The following TTC28 variants were observed in gnomAD, a reference collection of about 807,000 sequenced individuals.
TTC28 encodes tetratricopeptide repeat protein 28.
TTC28 carries 61 observed loss-of-function variants against 198.0 expected under a neutral mutation model. The ratio of observed to expected loss-of-function variants is 0.31; its 90% CI spans 0.25 to 0.38. The LOEUF is 0.38. Among genes scored for constraint, TTC28 ranks in the 10% least tolerant of loss-of-function variants. The pLI is 1.00. For missense variants in TTC28, 2,678 were observed against 3,164.0 expected (o/e 0.85, Z 3.69); for synonymous variants, 1,171 against 1,297.8 (o/e 0.90, Z 2.10).
chr22:28,059,345 C>T (rs1472623990), intron 12 of TTC28, among the ~76,000 whole-genome samples: 1 of 151,806 alleles, frequency 6.6e-6, no homozygotes, highest in African/African-American at 2.4e-5. Flanking sequence ...TCTTCTTTGA[C>T]CTATGGATAT....
At chr22:28,224,695 G>A (rs1194415722) in intron 5 of TTC28, among the ~76,000 whole-genome samples, 1 of 152,146 alleles carries the variant, frequency 6.6e-6, no homozygotes, top group Non-Finnish European at 1.5e-5. Context: ...GGGGCAGGGA[G>A]ATGGCTGATG....
chr22:28,404,714 TTCACCATTA>T (rs529601917), intron 2 of TTC28, among the ~76,000 whole-genome samples: 2 of 152,246 alleles, frequency 1.3e-5, no homozygotes, highest in Non-Finnish European at 2.9e-5. Context: ...TAACAATGGC[TTCACCATTA>T]GGTGTCAAAG....
At chr22:28,251,132 A>G (rs916048247) in intron 5 of TTC28, among the ~76,000 whole-genome samples, 1 of 152,164 alleles carries the variant, frequency 6.6e-6, no homozygotes, top group Admixed American at 6.5e-5. Flanking sequence ...TTATGCCTCT[A>G]ATTAATTAAA....
At chr22:28,067,656 A>G (rs1364319098) in intron 12 of TTC28, among the ~76,000 whole-genome samples, 1 of 152,198 alleles carries the variant, frequency 6.6e-6, no homozygotes, top group African/African-American at 2.4e-5. Flanking sequence ...AGCCACTGGC[A>G]CAACAGAGAT....
At chr22:28,437,090 AT>A (rs695341) in intron 2 of TTC28, among the ~76,000 whole-genome samples, 4 of 150,020 alleles carry the variant, frequency 2.7e-5, no homozygotes, top group African/African-American at 7.3e-5. Flanking sequence ...TATTCTTTTA[AT>A]TTTTTTTTTG....
intron 5 of TTC28, among the ~76,000 whole-genome samples, chr22:28,252,446 C>T (rs1390359723): frequency 6.6e-6 from 1 of 152,166 alleles, no homozygotes; most frequent in Non-Finnish European, 1.5e-5. Context: ...TAAGCTGTAA[C>T]TACCATGATT....
At chr22:28,089,160 C>A (rs889718950) in intron 12 of TTC28, among the ~76,000 whole-genome samples, 4 of 152,164 alleles carry the variant, frequency 2.6e-5, no homozygotes, top group Non-Finnish European at 4.4e-5. Flanking sequence ...CATCCCATTA[C>A]TGAGTATATA....
intron 5 of TTC28, among the ~76,000 whole-genome samples, chr22:28,192,185 G>C (rs529216540): frequency 1.3e-5 from 2 of 152,168 alleles, no homozygotes; most frequent in African/African-American, 2.4e-5. Context: ...ACAGGGTCTG[G>C]AGTGGACCTC....
chr22:28,463,042 C>T (rs1016689287), intron 2 of TTC28, among the ~76,000 whole-genome samples: 1 of 152,202 alleles, frequency 6.6e-6, no homozygotes, highest in African/African-American at 2.4e-5. Flanking sequence ...AACTTAGGCA[C>T]CACAGATGGC....
chr22:28,338,577 A>G (rs1393720290), intron 2 of TTC28, among the ~76,000 whole-genome samples: 1 of 151,946 alleles, frequency 6.6e-6, no homozygotes, highest in Non-Finnish European at 1.5e-5. Flanking sequence ...TTCTCGCTTC[A>G]TTTCATTCAT....
intron 3 of TTC28, among the ~76,000 whole-genome samples, chr22:28,301,719 T>C (rs1057510243): frequency 1.3e-5 from 2 of 152,158 alleles, no homozygotes; most frequent in African/African-American, 2.4e-5. Flanking sequence ...TGTGTCATCA[T>C]AATAGTCGGT....
chr22:28,177,926 G>A (rs1923319283), intron 5 of TTC28, among the ~76,000 whole-genome samples: 3 of 152,078 alleles, frequency 2.0e-5, no homozygotes, highest in South Asian at 4.2e-4. Flanking sequence ...CTGGACACAT[G>A]ACATTATAAA....
At chr22:28,349,500 G>T (rs1486846339) in intron 2 of TTC28, among the ~76,000 whole-genome samples, 1 of 152,132 alleles carries the variant, frequency 6.6e-6, no homozygotes, top group Non-Finnish European at 1.5e-5. Context: ...ATACTGCAGA[G>T]AAAGCAAAGA....
intron 5 of TTC28, among the ~76,000 whole-genome samples, chr22:28,261,757 A>G (rs149427858): frequency 1.8e-3 from 279 of 152,220 alleles, no homozygotes; most frequent in Middle Eastern, 3.4e-3. Flanking sequence ...GTCTCGCTAT[A>G]TTGCTGAGGT....
chr22:28,344,671 T>C (rs2045880259), intron 2 of TTC28, among the ~76,000 whole-genome samples: 1 of 152,228 alleles, frequency 6.6e-6, no homozygotes. Flanking sequence ...TAGAGTCCAC[T>C]GTTAGGATAG....
chr22:28,541,286 G>A (rs1433211003), intron 2 of TTC28, among the ~76,000 whole-genome samples: 1 of 152,200 alleles, frequency 6.6e-6, no homozygotes, highest in Non-Finnish European at 1.5e-5. Context: ...GATTGCCCTG[G>A]CTTCTGCCTT....
intron 2 of TTC28, among the ~76,000 whole-genome samples, chr22:28,456,924 G>A (rs1158824132): frequency 2.0e-5 from 3 of 152,098 alleles, no homozygotes; most frequent in Non-Finnish European, 4.4e-5. Context: ...TTCCATACTA[G>A]ACAACAAAAA....
At chr22:28,438,257 T>C (rs958442148) in intron 2 of TTC28, among the ~76,000 whole-genome samples, 6 of 152,332 alleles carry the variant, frequency 3.9e-5, no homozygotes, top group African/African-American at 1.4e-4. Flanking sequence ...ATTTAAGACT[T>C]AGCCTTATAA....
chr22:28,198,466 TAGC>T (rs1260132836), intron 5 of TTC28, among the ~76,000 whole-genome samples: 1 of 152,152 alleles, frequency 6.6e-6, no homozygotes, highest in African/African-American at 2.4e-5. Flanking sequence ...TGCTCACTAA[TAGC>T]AGAATGATTA....
Sources: gnomAD v4.1 joint callset for allele counts (sites outside exome capture counted in the v4.1 genomes callset) on GRCh38, gnomAD v4.1.1 for gene constraint, MANE v1.5 for transcripts, NCBI Gene and HGNC (gene_info 2026-07-23, HGNC 2026-07-21) for gene names.